The following DIAPH3 variants were observed in gnomAD, a reference collection of about 807,000 sequenced individuals.
DIAPH3 encodes protein diaphanous homolog 3.
A neutral mutation model predicts 144.3 loss-of-function variants in DIAPH3; 117 were observed. The observed-to-expected ratio is 0.81, with a 90% CI of 0.70 to 0.95. The LOEUF (loss-of-function observed/expected upper bound fraction) is 0.95, where lower values mean the gene tolerates loss of function less well. DIAPH3 is among the 40% of genes least tolerant of loss of function. DIAPH3 has a pLI of 0.00. For synonymous variants in DIAPH3, 519 were observed against 488.9 expected, an observed-to-expected ratio of 1.06 and a Z score of -0.81; for missense variants, 1,421 against 1,412.7, an observed-to-expected ratio of 1.01 and a Z score of -0.09.
rs1318320950 is a variant in DIAPH3 at position 59,991,222 on chromosome 13, C to T, written c.1297G>A (p.Ala433Thr). ...MVWSTVKETR[A>T]EGYFISILQH... ...AGAATAGAAATAAAATATCCCTCTG[C>T]TCTAGTTTCTTTAACTGTGCTCCAC... is the stretch of plus-strand genomic sequence containing the variant. Residue 433 changes from alanine to threonine, a missense_variant, in exon 12 of 28, where the codon GCA becomes ACA. By Grantham distance (58) the Ala-to-Thr change is moderately conservative. Transcript: ENST00000400324. The T allele has an allele frequency of 1.1e-5, 17 of 1,611,472 alleles. No individual in the cohort carries two copies. The highest frequency in any genetic ancestry group is 1.4e-5 in the Non-Finnish European group (16 of 1,178,688).
intron 22 of DIAPH3, among the ~76,000 whole-genome samples, chr13:59,851,947 TA>T (rs919991118): frequency 9.9e-5 from 15 of 152,110 alleles, no homozygotes; most frequent in African/African-American, 3.6e-4. Context: ...AAACTAACTT[TA>T]TTTTTTTTTT....
Position 60,092,511 on chromosome 13 carries a change from C to T in DIAPH3, c.495+1117G>A, listed in dbSNP as rs546301895. On this transcript the variant is annotated intron_variant, in intron 4 of 27. Transcript: ENST00000400324. ...AATAAAAATACAAAAAATTTCCAGGCGTGGTGGCAGGCGCCTGTAGTCCCA... is the reference window on the plus strand; with the variant it reads ...AATAAAAATACAAAAAATTTCCAGGTGTGGTGGCAGGCGCCTGTAGTCCCA... Among the ~76,000 whole-genome samples, 1,268 of 152,228 alleles carry T rather than the reference C, an allele frequency of 8.3e-3. 20 individuals carry two copies. The highest frequency in any genetic ancestry group is 0.029 in the African/African-American group (1,191 of 41,544).
intron 4 of DIAPH3, among the ~76,000 whole-genome samples, chr13:60,091,197 C>T (rs1278449571): frequency 6.6e-6 from 1 of 152,194 alleles, no homozygotes; most frequent in Non-Finnish European, 1.5e-5. Context: ...TATCTACACT[C>T]ACCAGTCTGT....
intron 27 of DIAPH3, among the ~76,000 whole-genome samples, chr13:59,723,902 C>T (rs936857877): frequency 3.2e-4 from 45 of 141,230 alleles, no homozygotes; most frequent in Non-Finnish European, 6.4e-4. Flanking sequence ...CATGAGCCAC[C>T]GCACCCAGCC....
chr13:59,960,216 T>C (rs1354435709), intron 17 of DIAPH3, among the ~76,000 whole-genome samples: 2 of 152,200 alleles, frequency 1.3e-5, no homozygotes, highest in Admixed American at 6.5e-5. Flanking sequence ...TAGGGAAGTA[T>C]AAATATTCAC....
intron 3 of DIAPH3, among the ~76,000 whole-genome samples, chr13:60,094,441 T>C (rs1312686421): frequency 2.0e-5 from 3 of 152,292 alleles, no homozygotes; most frequent in African/African-American, 7.2e-5. Context: ...CATAAATATA[T>C]GAATTGCTCT....
At chr13:59,757,252 G>A (rs2037326254) in intron 27 of DIAPH3, among the ~76,000 whole-genome samples, 2 of 151,862 alleles carry the variant, frequency 1.3e-5, no homozygotes, top group Non-Finnish European at 1.5e-5. Context: ...GACCAGTGAG[G>A]CAATATGTAT....
chr13:60,110,191 C>T (rs2058528983), intron 3 of DIAPH3, among the ~76,000 whole-genome samples: 1 of 152,164 alleles, frequency 6.6e-6, no homozygotes, highest in African/African-American at 2.4e-5. Flanking sequence ...GTAAAAATTA[C>T]TAAATACCTT....
intron 27 of DIAPH3, among the ~76,000 whole-genome samples, chr13:59,711,788 C>T (rs2034759711): frequency 6.6e-6 from 1 of 152,134 alleles, no homozygotes; most frequent in Non-Finnish European, 1.5e-5. Context: ...GCACATGTTT[C>T]CATGGCTTAG....
intron 12 of DIAPH3, among the ~76,000 whole-genome samples, chr13:59,987,840 T>C (rs1281321799): frequency 6.6e-6 from 1 of 150,478 alleles, no homozygotes; most frequent in African/African-American, 2.4e-5. Flanking sequence ...ATTTAATAAA[T>C]GTAAATAAAA....
At chr13:59,814,579 A>G (rs2040664977) in intron 24 of DIAPH3, among the ~76,000 whole-genome samples, 1 of 152,240 alleles carries the variant, frequency 6.6e-6, no homozygotes, top group Non-Finnish European at 1.5e-5. Context: ...ATTAAATGAG[A>G]ACAACATTTT....
intron 4 of DIAPH3, among the ~76,000 whole-genome samples, chr13:60,068,488 G>C (rs1175056028): frequency 1.3e-5 from 2 of 151,862 alleles, no homozygotes; most frequent in African/African-American, 4.8e-5. Flanking sequence ...ATTTTTCTTT[G>C]TCTTTTTTTT....
chr13:59,703,829 TA>T (rs565133496), intron 27 of DIAPH3, among the ~76,000 whole-genome samples: 174 of 152,188 alleles, frequency 1.1e-3, no homozygotes, highest in African/African-American at 4.1e-3. Context: ...ATGTATATAT[TA>T]AAAAAACAAA....
In DIAPH3 at chr13:59,992,821, G is replaced by A. The variant is rs189282; in HGVS notation, c.1015-238C>T. Among the ~76,000 whole-genome samples the A allele has an allele frequency of 0.23, 33,042 of 140,992 alleles. 3,873 individuals carry two copies. The highest frequency in any genetic ancestry group is 0.29 in the South Asian group (1,264 of 4,358). The allele number at this position is 140,992 out of a possible 152,430, so 92.5% of individuals were successfully genotyped here. A position where few individuals can be genotyped will look rare whatever the true frequency, so the allele number is the denominator to read the frequency against. On this transcript the variant is annotated intron_variant, in intron 9 of 27. Transcript: ENST00000400324. Reference sequence around the variant, plus strand: ...AAAGGAAGATGGAAAAATATTAGCCGTTACTACTGCTCCATAAAAAAATAG... The same window carrying A: ...AAAGGAAGATGGAAAAATATTAGCCATTACTACTGCTCCATAAAAAAATAG...
intron 19 of DIAPH3, among the ~76,000 whole-genome samples, chr13:59,914,989 C>A (rs985662225): frequency 6.6e-6 from 1 of 151,998 alleles, no homozygotes; most frequent in Non-Finnish European, 1.5e-5. Flanking sequence ...TTTTAAAAAG[C>A]AAATCATCTC....
At chr13:59,833,874 C>T (rs2041909163) in intron 23 of DIAPH3, among the ~76,000 whole-genome samples, 1 of 151,546 alleles carries the variant, frequency 6.6e-6, no homozygotes, top group Non-Finnish European at 1.5e-5. Context: ...CACAAAAATA[C>T]TTGTTATCAT....
intron 24 of DIAPH3, among the ~76,000 whole-genome samples, chr13:59,828,707 G>A (rs1359154660): frequency 2.0e-5 from 3 of 150,468 alleles, no homozygotes; most frequent in Non-Finnish European, 4.4e-5. Context: ...CTAGTAAGAA[G>A]TAACTTCAAA....
At chr13:60,019,702 G>A (rs1195977046) in intron 5 of DIAPH3, among the ~76,000 whole-genome samples, 1 of 151,924 alleles carries the variant, frequency 6.6e-6, no homozygotes, top group Non-Finnish European at 1.5e-5. Flanking sequence ...CTTAGACTTT[G>A]AAATTCAGTT....
intron 27 of DIAPH3, among the ~76,000 whole-genome samples, chr13:59,719,396 T>A (rs1487611611): frequency 6.6e-6 from 1 of 152,140 alleles, no homozygotes; most frequent in Non-Finnish European, 1.5e-5. Flanking sequence ...TGTGATTTAA[T>A]GAAGAATGGA....
Sources: gnomAD v4.1 joint callset for allele counts (sites outside exome capture counted in the v4.1 genomes callset) on GRCh38, gnomAD v4.1.1 for gene constraint, MANE v1.5 for transcripts, NCBI Gene and HGNC (gene_info 2026-07-23, HGNC 2026-07-21) for gene names.